Variants in DMD observed in about 807,000 individuals in gnomAD.
The protein encoded by DMD is dystrophin.
Under a neutral mutation model 330.1 loss-of-function variants are expected in DMD, and 63 were observed. That is an observed-to-expected ratio of 0.19 (90% CI 0.16 to 0.24). The LOEUF (loss-of-function observed/expected upper bound fraction) is 0.24. DMD is among the 10% of genes least tolerant of loss of function. The pLI, the probability that DMD is intolerant of heterozygous loss-of-function variation, is 1.00. For missense variants in DMD, 3,344 were observed against 2,684.1 expected, an observed-to-expected ratio of 1.25 and a Z score of -5.43; for synonymous variants, 1,223 against 959.8, an observed-to-expected ratio of 1.27 and a Z score of -5.07.
chrX:32,610,546 T>C (rs2057087144), intron 12 of DMD, among the ~76,000 whole-genome samples: 1 of 111,304 alleles, frequency 9.0e-6, no homozygotes, highest in Admixed American at 9.6e-5. Flanking sequence ...ATATTCACAG[T>C]GTACTTGCAA....
At chrX:32,707,545 C>A (rs113479707) in intron 7 of DMD, among the ~76,000 whole-genome samples, 17 of 111,768 alleles carry the variant, frequency 1.5e-4, no homozygotes, top group African/African-American at 5.5e-4. Context: ...TTTCAAAAAT[C>A]AAATTTCTGC....
rs1304753809 is a variant in DMD at position 32,515,209 on chromosome X, A to G, written c.2292+2799T>C. Among the ~76,000 whole-genome samples, 4 of 111,059 alleles carry G rather than the reference A, an allele frequency of 3.6e-5. No homozygotes were observed. The East Asian group carries it at 1.1e-3, about 31-fold the overall frequency. On this transcript the variant is annotated intron_variant, in intron 18 of 78. Coordinates refer to ENST00000357033, the MANE Select transcript of DMD (RefSeq NM_004006.3). ...AAAAAGTGTTTGAGCCTGCCGAGTG[A>G]GAGTGTGGGAAAGCAGAGGAAGTGA...
chrX:31,591,413 T>C (rs976392185), intron 55 of DMD, among the ~76,000 whole-genome samples: 5 of 111,472 alleles, frequency 4.5e-5, no homozygotes, highest in Non-Finnish European at 9.5e-5. Flanking sequence ...GTGTGAGCGT[T>C]TGGAGTCAGA....
intron 13 of DMD, among the ~76,000 whole-genome samples, chrX:32,592,215 G>A (rs1008143675): frequency 1.8e-5 from 2 of 111,258 alleles, no homozygotes; most frequent in Non-Finnish European, 3.8e-5. Flanking sequence ...GAAGCCTGGG[G>A]GCTGGGCTGC....
chrX:31,904,716 G>A (rs760242690), intron 47 of DMD, among the ~76,000 whole-genome samples: 1 of 111,285 alleles, frequency 9.0e-6, no homozygotes, highest in Non-Finnish European at 1.9e-5. Context: ...TCCTTCCAAG[G>A]CAAGCTTTCA....
intron 44 of DMD, among the ~76,000 whole-genome samples, chrX:32,136,635 G>T (rs1354621804): frequency 8.9e-6 from 1 of 112,239 alleles, no homozygotes; most frequent in Admixed American, 9.4e-5. Context: ...GCACAGCCTA[G>T]TTCCTTGTTC....
At chrX:31,963,351 G>C (rs923424751) in intron 45 of DMD, among the ~76,000 whole-genome samples, 1 of 112,060 alleles carries the variant, frequency 8.9e-6, no homozygotes, top group African/African-American at 3.2e-5. Flanking sequence ...TTTGGTTTAA[G>C]AATTCAGAAG....
rs181344519 is a variant in DMD, at chrX:33,062,340, C to T, written c.32-42140G>A. Among the ~76,000 whole-genome samples, 30 of 111,531 alleles carry T rather than the reference C, an allele frequency of 2.7e-4. No homozygotes were observed. The East Asian group carries it at 8.4e-3, about 31-fold the overall frequency. Reference sequence around the variant, plus strand: ...GAATAATCTGAATTCTTGATCCAACCTCTATTTTTGAATATGTACATTTAA... The same window carrying T: ...GAATAATCTGAATTCTTGATCCAACTTCTATTTTTGAATATGTACATTTAA... On this transcript the variant is annotated intron_variant, in intron 1 of 78. Coordinates refer to ENST00000357033, the MANE Select transcript of DMD (RefSeq NM_004006.3).
At position 31,373,418 on chromosome X, in the gene DMD, T is replaced by A. The variant is rs774078938; in HGVS notation, c.9085-24784A>T. On this transcript the variant is annotated intron_variant, in intron 60 of 78. Coordinates refer to ENST00000357033, the MANE Select transcript of DMD (RefSeq NM_004006.3). The stretch of plus-strand genomic sequence containing the variant: ...GGCATCACGCTACCTGACTTCAAAC[T>A]ATACTACAAGGCTACAGGAAGCAAA... Among the ~76,000 whole-genome samples, 140 of 94,483 alleles carry A rather than the reference T, an allele frequency of 1.5e-3. 1 individual carries two copies. Among genetic ancestry groups the A allele is most frequent in the Non-Finnish European group, 8.5e-4 (39 of 45,986 alleles). 82.0% of individuals were successfully genotyped at this position (94,483 alleles called of 115,157 possible).
In DMD at chrX:32,389,508, T is replaced by C; in HGVS notation, c.4511A>G (p.His1504Arg). Residue 1504 changes from histidine to arginine, a missense_variant, in exon 32 of 79, where the codon CAT becomes CGT. Physicochemically the swap from His to Arg is conservative, Grantham distance 29. Coordinates refer to ENST00000357033, the MANE Select transcript of DMD (RefSeq NM_004006.3). ...EQEVVQSQLNHCVNLYKSLSE... is the reference protein window; with the variant it reads ...EQEVVQSQLNRCVNLYKSLSE... ...GCCACCAGAAATACATACCACACAATGATTTAGCTGTGACTGTACTACTTC... is the reference window on the plus strand; with the variant it reads ...GCCACCAGAAATACATACCACACAACGATTTAGCTGTGACTGTACTACTTC... The C allele has an allele frequency of 2.5e-6, 3 of 1,211,080 alleles. No homozygotes were observed. Among genetic ancestry groups the C allele is most frequent in the Non-Finnish European group, 3.4e-6 (3 of 894,914 alleles).
At chrX:31,923,110 A>G (rs1473352009) in intron 47 of DMD, among the ~76,000 whole-genome samples, 1 of 112,061 alleles carries the variant, frequency 8.9e-6, no homozygotes, top group Non-Finnish European at 1.9e-5. Flanking sequence ...GCTATTAAAA[A>G]TTATGATAGG....
chrX:31,266,134 T>A (rs1382637459), intron 62 of DMD, among the ~76,000 whole-genome samples: 1 of 72,464 alleles, frequency 1.4e-5, no homozygotes, highest in Admixed American at 2.2e-4. Context: ...ACCCTAGAAA[T>A]GACTCCACAC....
intron 29 of DMD, among the ~76,000 whole-genome samples, chrX:32,417,353 G>C (rs768887189): frequency 4.5e-5 from 5 of 110,788 alleles, no homozygotes; most frequent in Non-Finnish European, 7.6e-5. Context: ...TGTTTATTCC[G>C]TAAGGGGGAA....
At chrX:32,412,285 T>G (rs1481753803) in intron 29 of DMD, 1 of 888,110 alleles carries the variant, frequency 1.1e-6, no homozygotes, top group African/African-American at 2.1e-5. Flanking sequence ...TTGCTTAGAA[T>G]AGGGTCATCG....
chrX:31,173,591 G>C lies in DMD; in HGVS notation c.10276C>G (p.Pro3426Ala). The C allele has an allele frequency of 8.3e-7, 1 of 1,209,794 alleles. No homozygotes were observed. Among genetic ancestry groups the C allele is most frequent in the Non-Finnish European group, 1.1e-6 (1 of 894,124 alleles). Residue 3426 changes from proline (P) to alanine (A), a missense_variant, in exon 72 of 79, where the codon CCT becomes GCT. Coordinates refer to ENST00000357033, the MANE Select transcript of DMD (RefSeq NM_004006.3). ...WPVDSAPASS[P>A]QLSHDDTHSR... ...TGAGTATCATCGTGTGAAAGCTGAGGGGACGAGGCAGGCCTATAAGGCAGA... is the reference window on the plus strand; with the variant it reads ...TGAGTATCATCGTGTGAAAGCTGAGCGGACGAGGCAGGCCTATAAGGCAGA...
intron 37 of DMD, among the ~76,000 whole-genome samples, chrX:32,359,321 A>G (rs966832592): frequency 6.2e-5 from 7 of 112,117 alleles, no homozygotes; most frequent in Non-Finnish European, 5.6e-5. Context: ...AATTTTCAGC[A>G]TAAGTTATTT....
intron 2 of DMD, among the ~76,000 whole-genome samples, chrX:33,010,878 G>C (rs1303108311): frequency 2.7e-5 from 3 of 111,147 alleles, no homozygotes; most frequent in Non-Finnish European, 5.7e-5. Flanking sequence ...GTCAGCATCA[G>C]CATCACCTGA....
At chrX:32,332,148 G>C (rs1056866468) in intron 41 of DMD, among the ~76,000 whole-genome samples, 1 of 111,547 alleles carries the variant, frequency 9.0e-6, no homozygotes, top group African/African-American at 3.3e-5. Context: ...TAAGCACTAA[G>C]AGAATCTTAA....
intron 43 of DMD, among the ~76,000 whole-genome samples, chrX:32,226,018 T>C: frequency 8.9e-6 from 1 of 112,063 alleles, no homozygotes; most frequent in East Asian, 2.8e-4. Context: ...TTCTTTCTTA[T>C]CATGCTTGTC....
Sources: gnomAD v4.1 joint callset for allele counts (sites outside exome capture counted in the v4.1 genomes callset) on GRCh38, gnomAD v4.1.1 for gene constraint, MANE v1.5 for transcripts, NCBI Gene and HGNC (gene_info 2026-07-23, HGNC 2026-07-21) for gene names.